The following APOBEC3G variants were observed in gnomAD, a reference collection of about 807,000 sequenced individuals.
APOBEC3G encodes the protein apolipoprotein B mRNA editing enzyme catalytic subunit 3G.
A neutral mutation model predicts 50.0 loss-of-function variants in APOBEC3G; 44 were observed. The ratio of observed to expected loss-of-function variants is 0.88; its 90% CI spans 0.69 to 1.13. The LOEUF (loss-of-function observed/expected upper bound fraction) is 1.13, where lower values mean the gene tolerates loss of function less well. APOBEC3G is among the 50% of genes most tolerant of loss of function. APOBEC3G has a pLI of 0.00. For synonymous variants in APOBEC3G, 156 were observed against 175.3 expected (o/e 0.89, Z 0.87); for missense variants, 469 against 492.0 (o/e 0.95, Z 0.44).
At chr22:39,083,655 A>G (rs929218681) in intron 4 of APOBEC3G, 76 bp from the exon 5 acceptor site, 38 of 1,525,786 alleles carry the variant, frequency 2.5e-5, no homozygotes, top group Non-Finnish European at 3.3e-5. Flanking sequence ...GCAAGGGAGG[A>G]AGCGTGGAGA....
At chr22:39,083,942 G>A in intron 5 of APOBEC3G, 58 bp downstream of exon 5, 3 of 1,582,832 alleles carry the variant, frequency 1.9e-6, no homozygotes, top group Non-Finnish European at 2.6e-6. Context: ...GGACACCCAT[G>A]GGCAGAAGGT....
rs1928757621 is a variant in APOBEC3G at position 39,087,641 on chromosome 22, A to G, written c.*220A>G. 2 of 923,892 alleles carry G rather than the reference A, an allele frequency of 2.2e-6. No individual in the cohort carries two copies. The highest frequency in any genetic ancestry group is 1.6e-6 in the Non-Finnish European group (1 of 631,110). 57.2% of individuals were successfully genotyped at this position (923,892 alleles called of 1,614,324 possible). On this transcript the variant is annotated 3_prime_UTR_variant, in exon 8 of 8. Transcript: ENST00000407997. The stretch of plus-strand genomic sequence containing the variant: ...TATATTTCAAGAATAAAGTACTAAG[A>G]TTGTGCTCAATACACAGAAAAGTTT...
rs1464124797 is a variant in APOBEC3G, at chr22:39,080,854, C to T, written c.172-79C>T. 3.5e-6 allele frequency: 4 copies of T among 1,154,522 alleles called. No individual in the cohort carries two copies. In the East Asian group the frequency reaches 7.6e-5, roughly 22 times the overall value. 71.5% of individuals were successfully genotyped at this position (1,154,522 alleles called of 1,614,324 possible). ...AAGATCTCCTGGACTCCTGTCCTGGCCCCTCCTCCCCCTGCCCCACCCCTG... is the reference window on the plus strand; with the variant it reads ...AAGATCTCCTGGACTCCTGTCCTGGTCCCTCCTCCCCCTGCCCCACCCCTG... On this transcript the variant is annotated intron_variant, in intron 2 of 7. Coordinates refer to ENST00000407997, the MANE Select transcript of APOBEC3G (RefSeq NM_021822.4).
At chr22:39,081,616 G>A (rs376329034) in intron 4 of APOBEC3G, 31 bp downstream of exon 4, 57 of 1,557,062 alleles carry the variant, frequency 3.7e-5, no homozygotes, top group Non-Finnish European at 4.4e-5. Context: ...TCATCGCCTC[G>A]CTCCTCTCAC....
In APOBEC3G at chr22:39,087,062, A is replaced by T. The variant is rs753370280; in HGVS notation, c.1076A>T (p.Gln359Leu). The change falls in exon 7 of 8, where the codon CAG becomes CTG. Residue 359 changes from glutamine (Q) to leucine (L), a missense_variant. Gln to Leu is a moderately radical substitution (Grantham distance 113). Transcript: ENST00000407997. ...TFVDHQGCPF[Q>L]PWDGLDEHSQ... is the part of the protein sequence containing the mutation. ...GTGGACCACCAGGGATGTCCCTTCCAGCCCTGGGATGGACTAGATGAGCAC... is the reference window on the plus strand; with the variant it reads ...GTGGACCACCAGGGATGTCCCTTCCTGCCCTGGGATGGACTAGATGAGCAC... The T allele has an allele frequency of 2.5e-6, 4 of 1,613,576 alleles. No individual in the cohort carries two copies. Among genetic ancestry groups the T allele is most frequent in the Non-Finnish European group, 3.4e-6 (4 of 1,179,896 alleles).
intron 7 of APOBEC3G, 51 bp downstream of exon 7, chr22:39,087,177 C>T: frequency 6.2e-7 from 1 of 1,612,520 alleles, no homozygotes; most frequent in South Asian, 1.1e-5. Flanking sequence ...CCCCTCCTCC[C>T]CTCTCCCCTG....
rs1445723753 is a variant in APOBEC3G at position 39,087,473 on chromosome 22, A to T, written c.*52A>T. On this transcript the variant is annotated 3_prime_UTR_variant, in exon 8 of 8. Transcript: ENST00000407997. ...GCAGAGACCTGGGTTGAGCCTCAGA[A>T]TAAAAGATCTTCTTCCAAGAAATGC... 1.5e-5 allele frequency: 25 copies of T among 1,613,776 alleles called. No homozygotes were observed. The highest frequency in any genetic ancestry group is 2.0e-5 in the Non-Finnish European group (24 of 1,179,708).
chr22:39,084,842 C>T lies in APOBEC3G; in HGVS notation c.735+958C>T, dbSNP rs185822984. Among the ~76,000 whole-genome samples the T allele has an allele frequency of 2.6e-5, 4 of 152,366 alleles. No individual in the cohort carries two copies. The East Asian group carries it at 5.8e-4, about 22-fold the overall frequency. On this transcript the variant is annotated intron_variant, in intron 5 of 7. Coordinates refer to ENST00000407997, the MANE Select transcript of APOBEC3G (RefSeq NM_021822.4). Reference sequence around the variant, plus strand: ...AGGCCAGGCCGAGGGGCCCTGAGCCCGAGGGACGTTCTTCCCTCGCCCTTG... The same window carrying T: ...AGGCCAGGCCGAGGGGCCCTGAGCCTGAGGGACGTTCTTCCCTCGCCCTTG...
intron 1 of APOBEC3G, 56 bp from the exon 2 acceptor site, chr22:39,078,876 C>G: frequency 1.2e-6 from 2 of 1,602,694 alleles, no homozygotes; most frequent in Non-Finnish European, 1.7e-6. Context: ...GACATCAGCC[C>G]GGAGGGCCCC....
At chr22:39,078,708 G>C in intron 1 of APOBEC3G, 1 of 566,784 alleles carries the variant, frequency 1.8e-6, no homozygotes, top group Non-Finnish European at 3.0e-6. Context: ...GTTTTATTCT[G>C]TCTCTCTCTC....
At chr22:39,084,245 C>A (rs6001419) in intron 5 of APOBEC3G, among the ~76,000 whole-genome samples, 8 of 152,256 alleles carry the variant, frequency 5.3e-5, no homozygotes, top group African/African-American at 1.9e-4. Flanking sequence ...AAAAGCGCTT[C>A]CGGCCGGGCA....
chr22:39,084,044 G>A (rs1331916771), intron 5 of APOBEC3G, among the ~76,000 whole-genome samples, 160 bp downstream of exon 5: 1 of 152,102 alleles, frequency 6.6e-6, no homozygotes, highest in Non-Finnish European at 1.5e-5. Context: ...GGGAGACTTC[G>A]GCTTCAGTGA....
At chr22:39,077,647 G>C (rs918929295) in intron 1 of APOBEC3G, among the ~76,000 whole-genome samples, 3 of 151,628 alleles carry the variant, frequency 2.0e-5, no homozygotes, top group African/African-American at 7.3e-5. Context: ...CTGGGGTGGT[G>C]CTCCCGGCCC....
chr22:39,083,782 G>A lies in APOBEC3G; in HGVS notation c.633G>A (p.Trp211Ter). Residue 211 changes from tryptophan to a stop codon, truncating the protein, a stop_gained, in exon 5 of 8, where the codon TGG becomes TGA. Coordinates refer to ENST00000407997, the MANE Select transcript of APOBEC3G (RefSeq NM_021822.4). LOFTEE classifies it high-confidence loss of function. ...TFTFNFNNEP[W>*]VRGRHETYLC... ...CTTTCAACTTTAACAATGAACCTTG[G>A]GTCAGAGGACGGCATGAGACTTACC... 6.2e-7 allele frequency: 1 copy of A among 1,613,998 alleles called. No homozygotes were observed. The highest frequency in any genetic ancestry group is 8.5e-7 in the Non-Finnish European group (1 of 1,179,934).
chr22:39,080,860 C>T, intron 2 of APOBEC3G, 73 bp from the exon 3 acceptor site: 2 of 1,175,718 alleles, frequency 1.7e-6, no homozygotes, highest in Non-Finnish European at 1.2e-6. Context: ...CTGGCCCCTC[C>T]TCCCCCTGCC....
At chr22:39,083,361 C>T (rs879641822) in intron 4 of APOBEC3G, 1 of 168,596 alleles carries the variant, frequency 5.9e-6, no homozygotes. Flanking sequence ...CCCAGTGGGT[C>T]CACCTCCAGC....
At chr22:39,084,224 G>A (rs537686310) in intron 5 of APOBEC3G, among the ~76,000 whole-genome samples, 3 of 152,276 alleles carry the variant, frequency 2.0e-5, no homozygotes, top group Admixed American at 6.5e-5. Flanking sequence ...AGGGCCAAGT[G>A]GGATCAAAGA....
At chr22:39,083,611 TG>T in intron 4 of APOBEC3G, 119 bp from the exon 5 acceptor site, 1 of 1,181,870 alleles carries the variant, frequency 8.5e-7, no homozygotes. Flanking sequence ...TGCTAAGGGA[TG>T]TGGGGAGCCG....
rs190836883 is a variant in APOBEC3G, at chr22:39,081,413, C to G, written c.467-58C>G. Reference sequence around the variant, plus strand: ...GAATATGTCTGGGAGGGGAGGGTCCCGAGGTCACAGAAGAGAGGCCAGCTG... The same window carrying G: ...GAATATGTCTGGGAGGGGAGGGTCCGGAGGTCACAGAAGAGAGGCCAGCTG... On this transcript the variant is annotated intron_variant, in intron 3 of 7. Transcript: ENST00000407997. 2.8e-4 allele frequency: 434 copies of G among 1,570,758 alleles called. 3 individuals are homozygous for G. The highest frequency in any genetic ancestry group is 2.1e-3 in the Admixed American group (122 of 59,452).
Sources: gnomAD v4.1 joint callset for allele counts (sites outside exome capture counted in the v4.1 genomes callset) on GRCh38, gnomAD v4.1.1 for gene constraint, MANE v1.5 for transcripts, NCBI Gene and HGNC (gene_info 2026-07-23, HGNC 2026-07-21) for gene names.